Variants in TMEM117 observed in about 807,000 individuals in gnomAD.
TMEM117 encodes the protein transmembrane protein 117.
TMEM117 carries 27 observed loss-of-function variants against 52.4 expected under a neutral mutation model. The observed-to-expected ratio is 0.51, with a 90% confidence interval of 0.38 to 0.71. The LOEUF is 0.71. Ranked by LOEUF, TMEM117 falls within the 30% of genes least tolerant of loss-of-function variation. The pLI is 0.00. For missense variants in TMEM117, 556 were observed against 630.5 expected, an observed-to-expected ratio of 0.88 and a Z score of 1.26; for synonymous variants, 215 against 206.3, an observed-to-expected ratio of 1.04 and a Z score of -0.36.
chr12:44,392,470 G>A (rs1034037494), downstream of TMEM117, among the ~76,000 whole-genome samples: 19 of 152,072 alleles, frequency 1.2e-4, no homozygotes, highest in African/African-American at 4.6e-4. Flanking sequence ...CTGACTGAGG[G>A]TATTACATAA....
intron 6 of TMEM117, among the ~76,000 whole-genome samples, chr12:44,303,579 A>G (rs1354795243): frequency 6.6e-6 from 1 of 152,232 alleles, no homozygotes; most frequent in Non-Finnish European, 1.5e-5. Context: ...AACAGATACC[A>G]GCAAAGTGTA....
At chr12:43,971,787 A>C (rs1945591571) in intron 3 of TMEM117, among the ~76,000 whole-genome samples, 1 of 152,210 alleles carries the variant, frequency 6.6e-6, no homozygotes, top group Non-Finnish European at 1.5e-5. Context: ...CCTCTTAACA[A>C]ATTTTAAAAT....
intron 2 of TMEM117, among the ~76,000 whole-genome samples, chr12:43,865,164 A>G (rs1454277211): frequency 2.0e-5 from 3 of 152,190 alleles, no homozygotes; most frequent in African/African-American, 4.8e-5. Flanking sequence ...TCTTGAAGTC[A>G]GTGAGACCAA....
intron 4 of TMEM117, among the ~76,000 whole-genome samples, chr12:44,186,215 T>C (rs1949276179): frequency 2.0e-5 from 3 of 152,176 alleles, no homozygotes; most frequent in South Asian, 2.1e-4. Context: ...CTCTTAAAGA[T>C]ATTACTGGAA....
intron 4 of TMEM117, among the ~76,000 whole-genome samples, chr12:44,151,353 T>C (rs1291142982): frequency 6.8e-6 from 1 of 147,902 alleles, no homozygotes; most frequent in Non-Finnish European, 1.5e-5. Flanking sequence ...GGAATTTTCT[T>C]TTTTTTTTCA....
chr12:44,246,929 C>T (rs911567986), intron 5 of TMEM117, among the ~76,000 whole-genome samples: 2 of 152,164 alleles, frequency 1.3e-5, no homozygotes, highest in Non-Finnish European at 2.9e-5. Flanking sequence ...TTGCATCCTG[C>T]ACAGAGTTTT....
intron 2 of TMEM117, among the ~76,000 whole-genome samples, chr12:43,875,493 T>C (rs1943780073): frequency 6.6e-6 from 1 of 152,238 alleles, no homozygotes; most frequent in African/African-American, 2.4e-5. Context: ...TTCAGTAGCT[T>C]AAGCAATTCA....
chr12:44,341,957 G>A (rs948237675), intron 6 of TMEM117, among the ~76,000 whole-genome samples: 2 of 152,036 alleles, frequency 1.3e-5, no homozygotes, highest in African/African-American at 2.4e-5. Flanking sequence ...AGAGCTAAGC[G>A]TATTGTCAGA....
chr12:44,003,351 A>G (rs2137784225), intron 3 of TMEM117, among the ~76,000 whole-genome samples: 1 of 152,270 alleles, frequency 6.6e-6, no homozygotes, highest in East Asian at 1.9e-4. Context: ...GGCTTGACCC[A>G]CTCACATGCT....
the TMEM117 span, chr12:43,806,121 G>A: frequency 6.6e-7 from 1 of 1,525,340 alleles, no homozygotes; most frequent in Non-Finnish European, 8.8e-7. Context: ...GACTTCCGGA[G>A]CTCCCGGCCC....
intron 3 of TMEM117, among the ~76,000 whole-genome samples, chr12:44,039,938 T>A (rs1350330466): frequency 6.6e-6 from 1 of 152,176 alleles, no homozygotes; most frequent in African/African-American, 2.4e-5. Flanking sequence ...TAATTTTAAA[T>A]AATTTTTTTC....
rs551324189 is a variant in TMEM117, at chr12:43,934,600, C to CT, written c.278-9602dup. On this transcript the variant is annotated intron_variant, in intron 2 of 7. Transcript: ENST00000266534. ...TGTTTCTAACCATGCTTTTATTTTC[C>CT]TTTTTTTTATAGAACCTCTTTTGAA... Among the ~76,000 whole-genome samples, 7 of 151,802 alleles carry CT rather than the reference C, an allele frequency of 4.6e-5. No individual in the cohort carries two copies. In the South Asian group the frequency reaches 6.3e-4, roughly 14 times the overall value.
At chr12:43,864,564 C>T (rs1431530030) in intron 2 of TMEM117, among the ~76,000 whole-genome samples, 1 of 152,072 alleles carries the variant, frequency 6.6e-6, no homozygotes, top group Non-Finnish European at 1.5e-5. Context: ...CTGTGTCTAG[C>T]TCAGGGTTCG....
chr12:43,812,288 C>T, the TMEM117 span, among the ~76,000 whole-genome samples: 2 of 152,164 alleles, frequency 1.3e-5, no homozygotes, highest in African/African-American at 4.8e-5. Context: ...AGAAAACCCT[C>T]GGGAACAATT....
At chr12:43,871,011 C>T (rs892999870) in intron 2 of TMEM117, among the ~76,000 whole-genome samples, 3 of 152,140 alleles carry the variant, frequency 2.0e-5, no homozygotes, top group Admixed American at 6.5e-5. Flanking sequence ...TCTCGAACTC[C>T]TGACCTCAGG....
Position 44,038,508 on chromosome 12 carries a change from C to T in TMEM117, c.410+94166C>T, listed in dbSNP as rs1452984015. On this transcript the variant is annotated intron_variant, in intron 3 of 7. Coordinates refer to ENST00000266534, the MANE Select transcript of TMEM117 (RefSeq NM_032256.3). ...TGCACCCCATACTCAATTGCTCACA[C>T]ACCCCTCACCACTCGTGCCTGGCTT... Among the ~76,000 whole-genome samples, 3 of 152,198 alleles carry T rather than the reference C, an allele frequency of 2.0e-5. No individual in the cohort carries two copies. The East Asian group carries it at 5.8e-4, about 29-fold the overall frequency.
chr12:44,172,394 G>A (rs567758125), intron 4 of TMEM117, among the ~76,000 whole-genome samples: 7 of 152,196 alleles, frequency 4.6e-5, no homozygotes, highest in Admixed American at 6.5e-5. Context: ...TTGTGGTATC[G>A]TAATTCACTC....
intron 2 of TMEM117, among the ~76,000 whole-genome samples, chr12:43,860,198 C>A (rs1212808848): frequency 2.0e-5 from 3 of 152,086 alleles, no homozygotes; most frequent in Admixed American, 6.5e-5. Context: ...TGACAGGGCC[C>A]AGTTTGTGAA....
At chr12:44,103,160 A>G (rs1452657369) in intron 3 of TMEM117, among the ~76,000 whole-genome samples, 1 of 151,542 alleles carries the variant, frequency 6.6e-6, no homozygotes, top group Non-Finnish European at 1.5e-5. Flanking sequence ...CATTTTTATG[A>G]TCACTTACTT....
Sources: gnomAD v4.1 joint callset for allele counts (sites outside exome capture counted in the v4.1 genomes callset) on GRCh38, gnomAD v4.1.1 for gene constraint, MANE v1.5 for transcripts, NCBI Gene and HGNC (gene_info 2026-07-23, HGNC 2026-07-21) for gene names.